Variants in UMAD1 observed in about 807,000 individuals in gnomAD.
The protein encoded by UMAD1 is UBAP1-MVB12-associated (UMA)-domain containing protein 1.
In UMAD1, 8 loss-of-function variants were observed where a neutral mutation model predicts 6.1. The observed-to-expected ratio is 1.30, with a 90% CI of 0.76 to 2.35. UMAD1 has a LOEUF of 2.35. Ranked by LOEUF, UMAD1 falls within the 30% of genes most tolerant of loss-of-function variation. The probability of loss-of-function intolerance (pLI) is 0.00; values close to 1 mark genes in which losing one functional copy is unlikely to be tolerated. For missense variants in UMAD1, 130 were observed against 78.4 expected, an observed-to-expected ratio of 1.66 and a Z score of -2.49; for synonymous variants, 56 against 31.4, an observed-to-expected ratio of 1.78 and a Z score of -2.61.
intron 2 of UMAD1, among the ~76,000 whole-genome samples, chr7:7,785,844 A>G (rs1782451627): frequency 2.0e-5 from 3 of 152,198 alleles, no homozygotes. Context: ...GAAAGGGGTA[A>G]AGGATTAGTT....
intron 2 of UMAD1, among the ~76,000 whole-genome samples, chr7:7,701,024 T>C (rs1780448690): frequency 1.3e-5 from 2 of 152,204 alleles, no homozygotes; most frequent in Admixed American, 1.3e-4. Flanking sequence ...CACTCCAGCA[T>C]GGGCAACAGA....
intron 1 of UMAD1, among the ~76,000 whole-genome samples, chr7:7,654,207 T>G (rs1785290307): frequency 6.6e-6 from 1 of 152,176 alleles, no homozygotes; most frequent in African/African-American, 2.4e-5. Context: ...CCCTGACTAT[T>G]CTCTAGTAGA....
intron 2 of UMAD1, among the ~76,000 whole-genome samples, chr7:7,767,008 C>T (rs1336703721): frequency 1.3e-5 from 2 of 152,018 alleles, no homozygotes; most frequent in East Asian, 1.9e-4. Context: ...ATATAAGCAA[C>T]AGTTTCAAGT....
At chr7:7,780,643 C>A (rs1179088748) in intron 2 of UMAD1, among the ~76,000 whole-genome samples, 6 of 152,190 alleles carry the variant, frequency 3.9e-5, no homozygotes, top group Non-Finnish European at 4.4e-5. Context: ...CATCCAACTT[C>A]CAAAGCAATC....
At chr7:7,733,295 A>G (rs1288965565) in intron 2 of UMAD1, among the ~76,000 whole-genome samples, 1 of 152,150 alleles carries the variant, frequency 6.6e-6, no homozygotes, top group Admixed American at 6.5e-5. Flanking sequence ...GGCTTTAAGT[A>G]TGCCCTGAAG....
chr7:7,682,483 T>G (rs867241111), intron 2 of UMAD1, among the ~76,000 whole-genome samples: 4 of 152,206 alleles, frequency 2.6e-5, no homozygotes, highest in Middle Eastern at 3.2e-3. Flanking sequence ...CTGTGTTGTT[T>G]CCTTTATTTA....
chr7:7,839,655 A>G (rs1404357770), intron 3 of UMAD1, among the ~76,000 whole-genome samples: 2 of 152,240 alleles, frequency 1.3e-5, no homozygotes, highest in Admixed American at 6.5e-5. Flanking sequence ...AAAAGTCATA[A>G]TAAGGAAGAA....
At chr7:7,724,450 G>A (rs574239019) in intron 2 of UMAD1, among the ~76,000 whole-genome samples, 5 of 152,314 alleles carry the variant, frequency 3.3e-5, no homozygotes, top group Middle Eastern at 6.8e-3. Flanking sequence ...TGACAGTAGG[G>A]TGAGGGCTAT....
At chr7:7,700,347 GA>G (rs776796540) in intron 2 of UMAD1, among the ~76,000 whole-genome samples, 1 of 152,164 alleles carries the variant, frequency 6.6e-6, no homozygotes, top group Non-Finnish European at 1.5e-5. Flanking sequence ...CCATCACTAT[GA>G]GGGGTAGGAT....
intron 1 of UMAD1, among the ~76,000 whole-genome samples, chr7:7,662,792 T>C (rs2115092951): frequency 6.6e-6 from 1 of 152,340 alleles, no homozygotes; most frequent in South Asian, 2.1e-4. Flanking sequence ...TTCATGTATT[T>C]TTAAAATGGT....
chr7:7,646,985 C>T (rs1290944217), intron 1 of UMAD1, among the ~76,000 whole-genome samples: 2 of 152,110 alleles, frequency 1.3e-5, no homozygotes, highest in African/African-American at 4.8e-5. Flanking sequence ...CGCCAGGGAC[C>T]CCACCCTTCT....
intron 3 of UMAD1, among the ~76,000 whole-genome samples, chr7:7,860,495 T>A (rs73059192): frequency 0.17 from 25,218 of 151,322 alleles, 3,023 homozygotes; most frequent in Non-Finnish European, 0.24. Context: ...GCGTGGTGGC[T>A]TATGCTTGTA....
chr7:7,805,039 C>T (rs551922843), intron 3 of UMAD1, among the ~76,000 whole-genome samples: 10 of 152,192 alleles, frequency 6.6e-5, no homozygotes, highest in East Asian at 1.9e-4. Context: ...GCTGAACGCT[C>T]GCTACCCTTC....
chr7:7,655,623 G>A (rs1317079176), intron 1 of UMAD1, among the ~76,000 whole-genome samples: 1 of 152,014 alleles, frequency 6.6e-6, no homozygotes, highest in Admixed American at 6.5e-5. Flanking sequence ...CATCTATAAG[G>A]TTATATTAGA....
rs182017263 is a variant in UMAD1, at chr7:7,696,040, C to A, written c.82+22587C>A. Among the ~76,000 whole-genome samples the A allele has an allele frequency of 3.2e-4, 44 of 139,404 alleles. No individual in the cohort carries two copies. In the East Asian group the frequency reaches 9.4e-3, roughly 30 times the overall value. The allele number at this position is 139,404 out of a possible 152,430, so 91.5% of individuals were successfully genotyped here. A position where few individuals can be genotyped will look rare whatever the true frequency, so the allele number is the denominator to read the frequency against. On this transcript the variant is annotated intron_variant, in intron 2 of 3. Coordinates refer to ENST00000682710, the MANE Select transcript of UMAD1 (RefSeq NM_001302348.2). ...GTAATTTTTTTTTGAGATGGAGTCT[C>A]TGTTGCCCAGGCTGGATTACAGTGG...
At chr7:7,856,807 T>C (rs754607153) in intron 3 of UMAD1, among the ~76,000 whole-genome samples, 3 of 152,240 alleles carry the variant, frequency 2.0e-5, no homozygotes, top group Non-Finnish European at 4.4e-5. Flanking sequence ...TTACATATAT[T>C]GACCATACAG....
At chr7:7,765,099 C>T (rs1026872914) in intron 2 of UMAD1, among the ~76,000 whole-genome samples, 6 of 151,932 alleles carry the variant, frequency 3.9e-5, no homozygotes, top group African/African-American at 1.4e-4. Context: ...TTTTAGTCTT[C>T]CCTTCCCAAA....
At chr7:7,655,091 A>G (rs73048015) in intron 1 of UMAD1, among the ~76,000 whole-genome samples, 17 of 152,288 alleles carry the variant, frequency 1.1e-4, no homozygotes, top group Admixed American at 2.0e-4. Flanking sequence ...AGTAACAGCA[A>G]TGATTCCAGA....
At chr7:7,716,418 T>C (rs1432632409) in intron 2 of UMAD1, among the ~76,000 whole-genome samples, 1 of 152,240 alleles carries the variant, frequency 6.6e-6, no homozygotes, top group East Asian at 1.9e-4. Context: ...ATCATTTCTT[T>C]TCTAACAAAA....
Sources: allele counts gnomAD v4.1 joint callset (sites outside exome capture counted in the v4.1 genomes callset), GRCh38; gene constraint gnomAD v4.1.1; transcripts MANE v1.5; gene names NCBI Gene and HGNC (gene_info 2026-07-23, HGNC 2026-07-21).